The following GULP1 variants were observed in gnomAD, a reference collection of about 807,000 sequenced individuals.
The protein encoded by GULP1 is GULP PTB domain containing engulfment adaptor 1.
A neutral mutation model predicts 40.9 loss-of-function variants in GULP1; 19 were observed. That is an observed-to-expected ratio of 0.46 (90% confidence interval 0.32 to 0.68). GULP1 has a LOEUF of 0.68. Ranked by LOEUF, GULP1 falls within the 30% of genes least tolerant of loss-of-function variation. The pLI is 0.03. For synonymous variants in GULP1, 119 were observed against 117.6 expected, an observed-to-expected ratio of 1.01 and a Z score of -0.08; for missense variants, 312 against 362.2, an observed-to-expected ratio of 0.86 and a Z score of 1.12.
intron 2 of GULP1, among the ~76,000 whole-genome samples, chr2:188,399,885 C>G (rs2051948792): frequency 6.6e-6 from 1 of 151,952 alleles, no homozygotes; most frequent in South Asian, 2.1e-4. Flanking sequence ...TATCATATGT[C>G]AATTGCTATC....
intron 1 of GULP1, among the ~76,000 whole-genome samples, chr2:188,382,109 C>T (rs1025283296): frequency 5.3e-5 from 8 of 152,268 alleles, no homozygotes; most frequent in South Asian, 2.1e-4. Flanking sequence ...CCTATAACCT[C>T]TCTTTTAGTG....
chr2:188,586,164 T>G (rs773827195), intron 10 of GULP1, among the ~76,000 whole-genome samples: 10 of 152,168 alleles, frequency 6.6e-5, no homozygotes, highest in Non-Finnish European at 1.5e-4. Context: ...AGTGCTCCAG[T>G]AACACCTTGA....
chr2:188,489,115 A>G (rs1378874698), intron 4 of GULP1, among the ~76,000 whole-genome samples: 1 of 152,054 alleles, frequency 6.6e-6, no homozygotes, highest in African/African-American at 2.4e-5. Flanking sequence ...AAAAAAATTC[A>G]GGTTTTAGAA....
intron 1 of GULP1, among the ~76,000 whole-genome samples, chr2:188,325,777 T>C (rs2040672409): frequency 2.0e-5 from 3 of 152,118 alleles, no homozygotes; most frequent in African/African-American, 7.2e-5. Flanking sequence ...ACCTTCTTAC[T>C]TGGCACATTG....
chr2:188,317,722 A>G (rs200774186), intron 1 of GULP1, among the ~76,000 whole-genome samples: 1 of 152,090 alleles, frequency 6.6e-6, no homozygotes, highest in East Asian at 1.9e-4. Flanking sequence ...ATAATAATAT[A>G]CTTAATCATG....
intron 2 of GULP1, among the ~76,000 whole-genome samples, chr2:188,388,449 G>GA (rs2050079939): frequency 6.6e-6 from 1 of 151,854 alleles, no homozygotes; most frequent in Non-Finnish European, 1.5e-5. Context: ...AGGCTGAAGT[G>GA]GGAGGATCAC....
chr2:188,452,742 G>A (rs574031955), intron 2 of GULP1, among the ~76,000 whole-genome samples: 4 of 152,148 alleles, frequency 2.6e-5, no homozygotes, highest in Non-Finnish European at 4.4e-5. Context: ...GACAAGGATC[G>A]AGTTTCCCAC....
intron 4 of GULP1, among the ~76,000 whole-genome samples, chr2:188,500,381 G>A (rs1458386234): frequency 2.0e-5 from 3 of 151,872 alleles, no homozygotes; most frequent in African/African-American, 7.3e-5. Flanking sequence ...AATCTTTATA[G>A]GAAGCTAATG....
At chr2:188,529,273 T>C in intron 6 of GULP1, 78 bp downstream of exon 6, 1 of 747,890 alleles carries the variant, frequency 1.3e-6, no homozygotes, top group Admixed American at 2.8e-5. Context: ...ATATTTAAAA[T>C]TTTTTGCCAC....
At chr2:188,408,982 G>A (rs1195997979) in intron 2 of GULP1, among the ~76,000 whole-genome samples, 1 of 152,134 alleles carries the variant, frequency 6.6e-6, no homozygotes, top group Non-Finnish European at 1.5e-5. Flanking sequence ...CTTATGGATT[G>A]TAGCAAAACA....
intron 6 of GULP1, among the ~76,000 whole-genome samples, chr2:188,537,873 GT>G (rs1689349632): frequency 6.6e-6 from 1 of 152,020 alleles, no homozygotes; most frequent in African/African-American, 2.4e-5. Context: ...ACTTGATATT[GT>G]TCTGTTCAGG....
intron 1 of GULP1, among the ~76,000 whole-genome samples, chr2:188,359,346 G>A (rs937703477): frequency 1.3e-5 from 2 of 152,096 alleles, no homozygotes; most frequent in Admixed American, 1.3e-4. Context: ...AGTGATATAT[G>A]CTATAAGGGC....
chr2:188,341,128 C>T (rs1037012465), intron 1 of GULP1, among the ~76,000 whole-genome samples: 2 of 152,130 alleles, frequency 1.3e-5, no homozygotes, highest in South Asian at 2.1e-4. Context: ...TGGGGCTTCA[C>T]CAGGGACCCT....
intron 2 of GULP1, among the ~76,000 whole-genome samples, chr2:188,417,179 C>T (rs1009391115): frequency 6.6e-6 from 1 of 152,152 alleles, no homozygotes; most frequent in Non-Finnish European, 1.5e-5. Context: ...TTTATTATGA[C>T]AGGAAGTTCC....
intron 2 of GULP1, among the ~76,000 whole-genome samples, chr2:188,448,012 T>C (rs147217869): frequency 1.9e-3 from 296 of 152,302 alleles, no homozygotes; most frequent in Non-Finnish European, 3.2e-3. Context: ...ATCAGACACA[T>C]AGACTGAAGA....
At chr2:188,352,618 T>G (rs10164751) in intron 1 of GULP1, among the ~76,000 whole-genome samples, 1 of 134,406 alleles carries the variant, frequency 7.4e-6, no homozygotes, top group Admixed American at 7.7e-5. Flanking sequence ...TCTCTCTCTC[T>G]CACACACACA....
At chr2:188,362,983 A>C (rs2152386333) in intron 1 of GULP1, among the ~76,000 whole-genome samples, 1 of 152,210 alleles carries the variant, frequency 6.6e-6, no homozygotes, top group Non-Finnish European at 1.5e-5. Context: ...AAAAGAAAAA[A>C]ATATGAATCG....
At chr2:188,385,425 A>G (rs1434897298) in intron 2 of GULP1, among the ~76,000 whole-genome samples, 3 of 151,868 alleles carry the variant, frequency 2.0e-5, no homozygotes, top group African/African-American at 4.8e-5. Context: ...CCAGGAAATC[A>G]TTTTTTCCTC....
intron 2 of GULP1, among the ~76,000 whole-genome samples, chr2:188,448,275 G>C (rs549260521): frequency 1.9e-3 from 291 of 152,212 alleles, no homozygotes; most frequent in Middle Eastern, 3.4e-3. Flanking sequence ...GTCCTACACT[G>C]TTATAATCAA....
Sources: gnomAD v4.1 joint callset for allele counts (sites outside exome capture counted in the v4.1 genomes callset) on GRCh38, gnomAD v4.1.1 for gene constraint, MANE v1.5 for transcripts, NCBI Gene and HGNC (gene_info 2026-07-23, HGNC 2026-07-21) for gene names.